Variants in USP44 observed in about 807,000 individuals in gnomAD.
USP44 encodes ubiquitin carboxyl-terminal hydrolase 44.
USP44 carries 61 observed loss-of-function variants against 69.0 expected under a neutral mutation model. The observed-to-expected ratio is 0.88, with a 90% CI of 0.72 to 1.09. The LOEUF (loss-of-function observed/expected upper bound fraction) is 1.09, where lower values mean the gene tolerates loss of function less well. USP44 is among the 50% of genes least tolerant of loss of function. The probability of loss-of-function intolerance (pLI) is 0.00; values close to 1 mark genes in which losing one functional copy is unlikely to be tolerated. For synonymous variants in USP44, 297 were observed against 295.4 expected (o/e 1.01, Z -0.06); for missense variants, 753 against 849.9 (o/e 0.89, Z 1.42).
At chr12:95,529,101 G>A in intron 2 of USP44, 99 bp from the exon 3 acceptor site, 1 of 1,030,188 alleles carries the variant, frequency 9.7e-7, no homozygotes, top group Non-Finnish European at 1.3e-6. Flanking sequence ...CTTTTCTCAT[G>A]AAAATGCACC....
rs1363169528 is a variant in USP44, at chr12:95,538,785, AG to A, written c.-70-4460del. Among the ~76,000 whole-genome samples, 4 of 152,336 alleles carry A rather than the reference AG, an allele frequency of 2.6e-5. No individual in the cohort carries two copies. In the East Asian group the frequency reaches 7.7e-4, roughly 29 times the overall value. On this transcript the variant is annotated intron_variant, in intron 1 of 5. Transcript: ENST00000258499. ...CAGACAGTAACTAGGGTATCCCCAAAGGGGTCTCATCACACAAAGATCTAAG... is the reference window on the plus strand; with the variant it reads ...CAGACAGTAACTAGGGTATCCCCAAAGGGTCTCATCACACAAAGATCTAAG...
intron 1 of USP44, among the ~76,000 whole-genome samples, chr12:95,540,774 C>T (rs564390390): frequency 2.0e-5 from 3 of 152,144 alleles, no homozygotes; most frequent in Non-Finnish European, 4.4e-5. Context: ...TTTTGGTAGC[C>T]TCCAAACTGG....
intron 3 of USP44, among the ~76,000 whole-genome samples, chr12:95,527,629 T>G (rs921796723): frequency 6.7e-6 from 1 of 149,950 alleles, no homozygotes; most frequent in East Asian, 2.0e-4. Flanking sequence ...GGATTACAGA[T>G]GCACTCCACC....
At chr12:95,547,828 G>T (rs1380420061) in intron 1 of USP44, among the ~76,000 whole-genome samples, 1 of 152,198 alleles carries the variant, frequency 6.6e-6, no homozygotes, top group African/African-American at 2.4e-5. Context: ...GGTCTGAGGA[G>T]AAAGTGAATC....
intron 1 of USP44, among the ~76,000 whole-genome samples, chr12:95,543,219 G>A (rs148132836): frequency 0.029 from 4,349 of 151,460 alleles, 104 homozygotes; most frequent in South Asian, 0.085. Flanking sequence ...TGGCCAACAC[G>A]GTGAAATCCC....
chr12:95,537,259 A>G (rs1214357421), intron 1 of USP44, among the ~76,000 whole-genome samples: 2 of 152,182 alleles, frequency 1.3e-5, no homozygotes, highest in Non-Finnish European at 2.9e-5. Flanking sequence ...CAAAATGATA[A>G]AATGAATACA....
At chr12:95,528,177 C>T (rs1185627623) in intron 3 of USP44, among the ~76,000 whole-genome samples, 1 of 152,150 alleles carries the variant, frequency 6.6e-6, no homozygotes, top group Non-Finnish European at 1.5e-5. Context: ...CTGTTTCACC[C>T]CCAGTGTCAG....
rs1343782045 is a variant in USP44 at position 95,518,285 on chromosome 12, C to G, written c.2008G>C (p.Ala670Pro). 6.2e-7 allele frequency: 1 copy of G among 1,614,126 alleles called. No individual in the cohort carries two copies. Among genetic ancestry groups the G allele is most frequent in the Non-Finnish European group, 8.5e-7 (1 of 1,180,024 alleles). ...CTMDEVCKAQ[A>P]YILFYTQRVT... is the part of the protein sequence containing the mutation. Reference sequence around the variant, plus strand: ...CGTTGGGTATAAAACAAGATATAAGCTTGAGCCTTGCATACTTCATCCATA... The same window carrying G: ...CGTTGGGTATAAAACAAGATATAAGGTTGAGCCTTGCATACTTCATCCATA... The change falls in exon 6 of 6, where the codon GCT (alanine) becomes CCT (proline). Residue 670 changes from alanine (A) to proline (P), a missense_variant. Transcript: ENST00000258499.
chr12:95,543,210 G>A (rs1442897875), intron 1 of USP44, among the ~76,000 whole-genome samples: 1 of 151,400 alleles, frequency 6.6e-6, no homozygotes, highest in Non-Finnish European at 1.5e-5. Flanking sequence ...AGACCAGCCT[G>A]GCCAACACGG....
In USP44 at chr12:95,534,089, A is replaced by G. The variant is rs747892670; in HGVS notation, c.168T>C (p.His56=). 1.2e-6 allele frequency: 2 copies of G among 1,614,064 alleles called. No homozygotes were observed. The highest frequency in any genetic ancestry group is 1.7e-6 in the Non-Finnish European group (2 of 1,180,048). ...HVACGRYIEE[H]ALKHFQESSH... is the part of the protein sequence containing the mutation. ...TGCTTTCTTGAAAGTGCTTGAGTGC[A>G]TGCTCTTCAATATATCTTCCACAGG... The change falls in exon 2 of 6, where the codon CAT becomes CAC. Residue 56 remains histidine (H), a synonymous_variant. Transcript: ENST00000258499.
rs1389093690 is a variant in USP44, at chr12:95,517,054, C to G, written c.*1100G>C. ...TCAGAAGAAGAAAAAGAGTGACTCA[C>G]ACTGTATTTTTTTTTGTGCAAGTTT... On this transcript the variant is annotated 3_prime_UTR_variant, in exon 6 of 6. Transcript: ENST00000258499. 2 of 147,168 alleles carry G rather than the reference C, an allele frequency of 1.4e-5. No individual in the cohort carries two copies. The highest frequency in any genetic ancestry group is 1.3e-4 in the Admixed American group (2 of 14,886). The allele number at this position is 147,168 out of a possible 1,614,324, so 9.1% of individuals were successfully genotyped here. A position where few individuals can be genotyped will look rare whatever the true frequency, so the allele number is the denominator to read the frequency against.
chr12:95,543,406 C>CAAAAAAAAAAAAAA (rs60127958), intron 1 of USP44, among the ~76,000 whole-genome samples: 1 of 43,156 alleles, frequency 2.3e-5, no homozygotes, highest in Non-Finnish European at 4.7e-5. Context: ...GACTCTTTCT[C>CAAAAAAAAAAAAAA]AAAAAAAAAA....
intron 2 of USP44, among the ~76,000 whole-genome samples, chr12:95,530,650 G>GATAGAT: frequency 1.0e-5 from 1 of 99,184 alleles, no homozygotes; most frequent in Non-Finnish European, 2.6e-5. Context: ...TGGAAATATA[G>GATAGAT]ATAGATAGAT....
chr12:95,524,526 G>A, intron 4 of USP44, 154 bp downstream of exon 4: 1 of 541,170 alleles, frequency 1.8e-6, no homozygotes, highest in South Asian at 3.0e-5. Flanking sequence ...GCAAATGTAA[G>A]TCATTTACTA....
chr12:95,516,886 A>ACTT lies in USP44; in HGVS notation c.*1265_*1267dup, dbSNP rs957982158. 13 of 152,106 alleles carry ACTT rather than the reference A, an allele frequency of 8.5e-5. No homozygotes were observed. Among genetic ancestry groups the ACTT allele is most frequent in the African/African-American group, 3.1e-4 (13 of 41,416 alleles). The allele number at this position is 152,106 out of a possible 1,614,324, so 9.4% of individuals were successfully genotyped here. On this transcript the variant is annotated 3_prime_UTR_variant, in exon 6 of 6. Transcript: ENST00000258499. ...AAGACTTCAACCTGCAAATAAACCC[A>ACTT]CTTATAAAAAAGGGATACATGATCT...
chr12:95,547,713 AG>A (rs2077617810), intron 1 of USP44, among the ~76,000 whole-genome samples: 1 of 152,218 alleles, frequency 6.6e-6, no homozygotes, highest in African/African-American at 2.4e-5. Context: ...ATTCAAGTGC[AG>A]GACCTGAAGG....
Position 95,533,291 on chromosome 12 carries a change from C to T in USP44, c.966G>A (p.Lys322=), listed in dbSNP as rs140758509. 1 of 1,613,960 alleles carries T rather than the reference C, an allele frequency of 6.2e-7. No homozygotes were observed. The highest frequency in any genetic ancestry group is 1.3e-5 in the African/African-American group (1 of 74,930). ...CTACTGTATCTGTGACTGGTGGATG[C>T]TTACAAGATCTTGTCTTCTCGCTAG... is the stretch of plus-strand genomic sequence containing the variant. ...MTASEKTRSC[K]HPPVTDTVVY... Residue 322 remains lysine, a synonymous_variant, in exon 2 of 6, where the codon AAG becomes AAA. Transcript: ENST00000258499.
intron 1 of USP44, among the ~76,000 whole-genome samples, chr12:95,540,249 A>G (rs1166880264): frequency 6.6e-6 from 1 of 151,770 alleles, no homozygotes; most frequent in Non-Finnish European, 1.5e-5. Flanking sequence ...TTAGCTTTTT[A>G]TCGGGTATTT....
chr12:95,529,076 C>T (rs778033844), intron 2 of USP44, 74 bp from the exon 3 acceptor site: 41 of 1,313,610 alleles, frequency 3.1e-5, no homozygotes, highest in Middle Eastern at 2.7e-4. Context: ...CTAGAGGTCA[C>T]TGCCACTAAA....
Sources: allele counts gnomAD v4.1 joint callset (sites outside exome capture counted in the v4.1 genomes callset), GRCh38; gene constraint gnomAD v4.1.1; transcripts MANE v1.5; gene names NCBI Gene and HGNC (gene_info 2026-07-23, HGNC 2026-07-21).